The following WARS2 variants were observed in gnomAD, a reference collection of about 807,000 sequenced individuals.
The protein encoded by WARS2 is tryptophanyl tRNA synthetase 2, mitochondrial, also known as tryptophan--tRNA ligase, mitochondrial.
Under a neutral mutation model 36.5 loss-of-function variants are expected in WARS2, and 28 were observed. The ratio of observed to expected loss-of-function variants is 0.77; its 90% CI spans 0.57 to 1.05. WARS2 has a LOEUF of 1.05. Ranked by LOEUF, WARS2 falls within the 50% of genes least tolerant of loss-of-function variation. The probability of loss-of-function intolerance (pLI) is 0.00; values close to 1 mark genes in which losing one functional copy is unlikely to be tolerated. For synonymous variants in WARS2, 174 were observed against 178.4 expected (o/e 0.98, Z 0.20); for missense variants, 435 against 456.8 (o/e 0.95, Z 0.44).
chr1:119,101,050 TG>T lies in WARS2; in HGVS notation c.91-24444del, dbSNP rs1653819260. Among the ~76,000 whole-genome samples, 3 of 152,156 alleles carry T rather than the reference TG, an allele frequency of 2.0e-5. No homozygotes were observed. In the South Asian group the frequency reaches 6.2e-4, roughly 32 times the overall value. On this transcript the variant is annotated intron_variant, in intron 1 of 5. Transcript: ENST00000235521. ...GAGTGGAAAGATAGATAACAGAGAC[TG>T]GGAGGGATGAGTGTGGGTGAGAGGG... is the stretch of plus-strand genomic sequence containing the variant.
Position 119,045,581 on chromosome 1 carries a change from C to T in WARS2, c.429+1G>A. On this transcript the variant is annotated splice_donor_variant, in intron 3 of 5. Transcript: ENST00000235521. LOFTEE classifies it high-confidence loss of function. ...TTATTAATCAGATTACTGGCATTTA[C>T]CTTCCACTGATGTAAATGTTGTAAT... 1 of 1,588,746 alleles carries T rather than the reference C, an allele frequency of 6.3e-7. No individual in the cohort carries two copies. Among genetic ancestry groups the T allele is most frequent in the Non-Finnish European group, 8.6e-7 (1 of 1,163,254 alleles).
intron 1 of WARS2, among the ~76,000 whole-genome samples, chr1:119,103,622 A>G (rs746761300): frequency 1.3e-5 from 2 of 151,836 alleles, no homozygotes; most frequent in Non-Finnish European, 2.9e-5. Context: ...CCTCTTCACC[A>G]TACTAGATTT....
chr1:119,105,939 G>A (rs1654206031), intron 1 of WARS2, among the ~76,000 whole-genome samples: 2 of 152,016 alleles, frequency 1.3e-5, no homozygotes, highest in African/African-American at 4.8e-5. Flanking sequence ...AGGAGGGAGG[G>A]TGGAGTCAAC....
chr1:119,134,084 C>G (rs1656292828), intron 1 of WARS2, among the ~76,000 whole-genome samples: 1 of 151,476 alleles, frequency 6.6e-6, no homozygotes, highest in East Asian at 1.9e-4. Flanking sequence ...AAATCTACAC[C>G]TATCATCTCA....
intron 4 of WARS2, among the ~76,000 whole-genome samples, chr1:119,035,295 G>C (rs1647781044): frequency 6.6e-6 from 1 of 152,114 alleles, no homozygotes; most frequent in African/African-American, 2.4e-5. Flanking sequence ...AAGTAATACA[G>C]TGCGCTGAGG....
intron 1 of WARS2, among the ~76,000 whole-genome samples, chr1:119,100,488 C>T (rs1468421473): frequency 2.0e-5 from 3 of 152,210 alleles, no homozygotes; most frequent in Non-Finnish European, 4.4e-5. Flanking sequence ...GATATCTGCA[C>T]TCGCATGTTT....
chr1:119,038,073 T>C (rs975577370), intron 4 of WARS2, among the ~76,000 whole-genome samples: 2 of 152,234 alleles, frequency 1.3e-5, no homozygotes, highest in Non-Finnish European at 2.9e-5. Context: ...GGATTATCTG[T>C]TGACATCTCA....
rs191277085 is a variant in WARS2 at position 119,125,443 on chromosome 1, A to G, written c.90+15112T>C. Reference sequence around the variant, plus strand: ...CTTGTTGCCTGTCTCTCCTACTAGAATTTAAGATTTCTGCTTTGCACTAGT... The same window carrying G: ...CTTGTTGCCTGTCTCTCCTACTAGAGTTTAAGATTTCTGCTTTGCACTAGT... On this transcript the variant is annotated intron_variant, in intron 1 of 5. Transcript: ENST00000235521. Among the ~76,000 whole-genome samples, 3 of 152,328 alleles carry G rather than the reference A, an allele frequency of 2.0e-5. No individual in the cohort carries two copies. The East Asian group carries it at 5.8e-4, about 29-fold the overall frequency.
chr1:119,130,964 A>T (rs2101568812), intron 1 of WARS2, among the ~76,000 whole-genome samples: 1 of 152,280 alleles, frequency 6.6e-6, no homozygotes, highest in Admixed American at 6.5e-5. Context: ...TATGGTGCAT[A>T]CTAAACTGTT....
At chr1:119,140,305 G>A in intron 1 of WARS2, 1 of 371,820 alleles carries the variant, frequency 2.7e-6, no homozygotes, top group Non-Finnish European at 4.8e-6. Flanking sequence ...TCCGCTCCCA[G>A]AACTGGAGGT....
At chr1:119,135,094 T>A (rs1293848190) in intron 1 of WARS2, among the ~76,000 whole-genome samples, 1 of 152,230 alleles carries the variant, frequency 6.6e-6, no homozygotes, top group African/African-American at 2.4e-5. Context: ...AATAGAATAC[T>A]GTATTGTAGT....
intron 2 of WARS2, among the ~76,000 whole-genome samples, chr1:119,055,440 C>T (rs1649696060): frequency 6.6e-6 from 1 of 151,974 alleles, no homozygotes; most frequent in South Asian, 2.1e-4. Flanking sequence ...TGGCAAAACC[C>T]CATCTCTACT....
chr1:119,090,906 C>T (rs902018332), intron 1 of WARS2, among the ~76,000 whole-genome samples: 3 of 152,068 alleles, frequency 2.0e-5, no homozygotes, highest in African/African-American at 7.2e-5. Flanking sequence ...AAAGAAAAAT[C>T]GGCCTAGTTT....
chr1:119,051,863 A>G lies in WARS2; in HGVS notation c.349-6201T>C, dbSNP rs565501978. 6.7e-4 allele frequency among the ~76,000 whole-genome samples: 99 copies of G among 147,850 alleles called. No homozygotes were observed. In the South Asian group the frequency reaches 0.02, roughly 30 times the overall value. ...AACCTCCACCTTCCCAGGCTCAAGC[A>G]TTCTCCTGCCTTACCCTCCCAAGTA... On this transcript the variant is annotated intron_variant, in intron 2 of 5. Transcript: ENST00000235521.
intron 1 of WARS2, among the ~76,000 whole-genome samples, chr1:119,123,063 C>T (rs1266795292): frequency 2.6e-5 from 4 of 152,144 alleles, no homozygotes; most frequent in African/African-American, 7.2e-5. Context: ...AGAAGATCCA[C>T]ATTTTAATCA....
intron 1 of WARS2, among the ~76,000 whole-genome samples, chr1:119,088,582 C>T (rs1413093554): frequency 6.6e-6 from 1 of 152,216 alleles, no homozygotes; most frequent in African/African-American, 2.4e-5. Flanking sequence ...GCCCCTTTGG[C>T]TCCCAGCAGT....
intron 1 of WARS2, among the ~76,000 whole-genome samples, chr1:119,078,994 C>T (rs1651985547): frequency 6.6e-6 from 1 of 151,640 alleles, no homozygotes; most frequent in South Asian, 2.1e-4. Flanking sequence ...TGTGTGTGTG[C>T]ACTTTGAAGT....
At chr1:119,116,815 G>A (rs1047501303) in intron 1 of WARS2, among the ~76,000 whole-genome samples, 1 of 152,182 alleles carries the variant, frequency 6.6e-6, no homozygotes, top group Admixed American at 6.5e-5. Flanking sequence ...TGGAACTGGG[G>A]AGAGGCCACA....
chr1:119,113,370 G>A (rs1654770048), intron 1 of WARS2, among the ~76,000 whole-genome samples: 1 of 152,066 alleles, frequency 6.6e-6, no homozygotes, highest in Non-Finnish European at 1.5e-5. Context: ...CAGGTCATGT[G>A]CCTTTCCTTG....
Sources: gnomAD v4.1 joint callset for allele counts (sites outside exome capture counted in the v4.1 genomes callset) on GRCh38, gnomAD v4.1.1 for gene constraint, MANE v1.5 for transcripts, NCBI Gene and HGNC (gene_info 2026-07-23, HGNC 2026-07-21) for gene names.